The following CYP19A1 variants were observed in gnomAD, a reference collection of about 807,000 sequenced individuals.
CYP19A1 encodes the protein aromatase.
Under a neutral mutation model 44.4 loss-of-function variants are expected in CYP19A1, and 32 were observed. The ratio of observed to expected loss-of-function variants is 0.72; its 90% CI spans 0.54 to 0.97. The LOEUF is 0.97. Ranked by LOEUF, CYP19A1 falls within the 50% of genes least tolerant of loss-of-function variation. The probability of loss-of-function intolerance (pLI) is 0.00; values close to 1 mark genes in which losing one functional copy is unlikely to be tolerated. For synonymous variants in CYP19A1, 212 were observed against 215.6 expected, an observed-to-expected ratio of 0.98 and a Z score of 0.14; for missense variants, 598 against 637.8, an observed-to-expected ratio of 0.94 and a Z score of 0.67.
chr15:51,307,472 G>T (rs1458688534), intron 1 of CYP19A1, among the ~76,000 whole-genome samples: 1 of 152,142 alleles, frequency 6.6e-6, no homozygotes. Context: ...TACAGAATTA[G>T]CTCATGACTA....
intron 1 of CYP19A1, among the ~76,000 whole-genome samples, chr15:51,311,734 T>C (rs541877385): frequency 6.6e-6 from 1 of 152,346 alleles, no homozygotes; most frequent in African/African-American, 2.4e-5. Context: ...TGAAAGCATC[T>C]GAGCTTTTGA....
At chr15:51,328,330 C>G (rs554599164) in intron 1 of CYP19A1, among the ~76,000 whole-genome samples, 12 of 152,258 alleles carry the variant, frequency 7.9e-5, no homozygotes, top group African/African-American at 2.2e-4. Flanking sequence ...TTGAGCAGGA[C>G]ATTTGAAAGT....
chr15:51,331,483 AT>A (rs1460408318), intron 1 of CYP19A1, among the ~76,000 whole-genome samples: 1 of 152,234 alleles, frequency 6.6e-6, no homozygotes, highest in African/African-American at 2.4e-5. Context: ...GAAATAAGGA[AT>A]GGGGGCAAAC....
intron 1 of CYP19A1, among the ~76,000 whole-genome samples, chr15:51,268,073 C>T (rs1454106608): frequency 3.9e-5 from 6 of 152,348 alleles, no homozygotes; most frequent in African/African-American, 1.4e-4. Context: ...TGCTTTCCTT[C>T]CATCAGACCC....
intron 1 of CYP19A1, among the ~76,000 whole-genome samples, chr15:51,248,024 C>T (rs1314016513): frequency 1.3e-5 from 2 of 152,114 alleles, no homozygotes; most frequent in Non-Finnish European, 1.5e-5. Flanking sequence ...TCCTGGCTTC[C>T]TTCTTTGCCA....
At chr15:51,246,978 T>C (rs890844659) in intron 1 of CYP19A1, among the ~76,000 whole-genome samples, 2 of 152,166 alleles carry the variant, frequency 1.3e-5, no homozygotes, top group African/African-American at 4.8e-5. Flanking sequence ...CACCAAAACC[T>C]GTCTCTGAGA....
rs1164108421 is a variant in CYP19A1 at position 51,218,551 on chromosome 15, C to T, written c.733G>A (p.Glu245Lys). 6.2e-7 allele frequency: 1 copy of T among 1,613,074 alleles called. No homozygotes were observed. The highest frequency in any genetic ancestry group is 2.2e-5 in the East Asian group (1 of 44,804). Reference sequence around the variant, plus strand: ...AGTTGTATTACTTACACAGACTTCTCATACTTTTTGTATAGCCAAGAAATC... The same window carrying T: ...AGTTGTATTACTTACACAGACTTCTTATACTTTTTGTATAGCCAAGAAATC... ...FKISWLYKKY[E>K]KSVKDLKDAI... The change falls in exon 6 of 10, where the codon GAG becomes AAG. Residue 245 changes from glutamate (E) to lysine (K), a missense_variant. Coordinates refer to ENST00000396402, the MANE Select transcript of CYP19A1 (RefSeq NM_000103.4).
intron 1 of CYP19A1, among the ~76,000 whole-genome samples, chr15:51,274,827 C>T (rs990144096): frequency 2.5e-4 from 38 of 152,222 alleles, no homozygotes; most frequent in African/African-American, 9.2e-4. Context: ...TAAGATTGAT[C>T]CCTTTGTCAG....
In CYP19A1 at chr15:51,212,415, T is replaced by C. The variant is rs1391311620; in HGVS notation, c.1168A>G (p.Lys390Glu). The C allele has an allele frequency of 6.2e-7, 1 of 1,606,130 alleles. No individual in the cohort carries two copies. Among genetic ancestry groups the C allele is most frequent in the Non-Finnish European group, 8.5e-7 (1 of 1,172,780 alleles). Residue 390 changes from lysine to glutamate, a missense_variant, in exon 9 of 10, where the codon AAG becomes GAG. Lys to Glu is a moderately conservative substitution (Grantham distance 56). Transcript: ENST00000396402. Reference sequence around the variant, plus strand: ...ATATTCAGGATAATGTTTGTCCCCTTTTTCACTGGGTAGCCATCGATTACA... The same window carrying C: ...ATATTCAGGATAATGTTTGTCCCCTCTTTCACTGGGTAGCCATCGATTACA... ...DDVIDGYPVK[K>E]GTNIILNIGR...
At chr15:51,287,652 T>C (rs1449910662) in intron 1 of CYP19A1, among the ~76,000 whole-genome samples, 4 of 152,106 alleles carry the variant, frequency 2.6e-5, no homozygotes, top group African/African-American at 9.7e-5. Flanking sequence ...TCAAATGCCC[T>C]CACCTTCCCT....
At chr15:51,214,062 C>G (rs570577143) in intron 8 of CYP19A1, among the ~76,000 whole-genome samples, 4 of 152,174 alleles carry the variant, frequency 2.6e-5, no homozygotes, top group Admixed American at 2.0e-4. Flanking sequence ...TTTTCCCTTA[C>G]GTTTAACTAT....
intron 1 of CYP19A1, among the ~76,000 whole-genome samples, chr15:51,262,085 G>T (rs1030489089): frequency 2.6e-5 from 4 of 152,162 alleles, no homozygotes; most frequent in Non-Finnish European, 5.9e-5. Context: ...TGAAATGAGG[G>T]CAAGGAACAC....
Position 51,223,585 on chromosome 15 carries a change from T to TCACACACACACA in CYP19A1, c.452-1061_452-1060insTGTGTGTGTGTG. Among the ~76,000 whole-genome samples the TCACACACACACA allele has an allele frequency of 6.3e-5, 5 of 79,228 alleles. No individual in the cohort carries two copies. In the East Asian group the frequency reaches 2.9e-3, roughly 47 times the overall value. 52.0% of individuals were successfully genotyped at this position (79,228 alleles called of 152,430 possible). On this transcript the variant is annotated intron_variant, in intron 4 of 9. Transcript: ENST00000396402. ...CTCTCTCTCTTGCTCTCTCTCTCTC[T>TCACACACACACA]CTCTCTCTCACACACACACACACAC...
intron 1 of CYP19A1, among the ~76,000 whole-genome samples, chr15:51,270,878 C>G (rs7167712): frequency 6.6e-6 from 1 of 152,120 alleles, no homozygotes; most frequent in African/African-American, 2.4e-5. Flanking sequence ...TCATTCAGCA[C>G]GTGGCCCTGT....
chr15:51,286,495 C>T (rs540554042), intron 1 of CYP19A1, among the ~76,000 whole-genome samples: 2 of 152,282 alleles, frequency 1.3e-5, no homozygotes, highest in East Asian at 3.9e-4. Context: ...TACCATCAGC[C>T]AGTATGGTAC....
intron 1 of CYP19A1, among the ~76,000 whole-genome samples, chr15:51,317,652 A>G (rs570819895): frequency 6.6e-6 from 1 of 152,328 alleles, no homozygotes; most frequent in Admixed American, 6.5e-5. Flanking sequence ...TTGATATGGC[A>G]GAACCATGTG....
chr15:51,288,864 A>G (rs1366230645), intron 1 of CYP19A1, among the ~76,000 whole-genome samples: 5 of 152,118 alleles, frequency 3.3e-5, no homozygotes, highest in African/African-American at 1.2e-4. Flanking sequence ...CGACTAAACC[A>G]ACACCGATGA....
chr15:51,309,084 C>T (rs771088277), intron 1 of CYP19A1, among the ~76,000 whole-genome samples: 1 of 152,152 alleles, frequency 6.6e-6, no homozygotes, highest in Non-Finnish European at 1.5e-5. Flanking sequence ...CCAAAATTCA[C>T]ATGTTGAAAT....
intron 1 of CYP19A1, among the ~76,000 whole-genome samples, chr15:51,297,759 A>G (rs2036025491): frequency 6.8e-6 from 1 of 146,972 alleles, no homozygotes; most frequent in Non-Finnish European, 1.5e-5. Flanking sequence ...TTCTCATTGT[A>G]GTCTCCTTGT....
Sources: allele counts gnomAD v4.1 joint callset (sites outside exome capture counted in the v4.1 genomes callset), GRCh38; gene constraint gnomAD v4.1.1; transcripts MANE v1.5; gene names NCBI Gene and HGNC (gene_info 2026-07-23, HGNC 2026-07-21).